Variants in LIPM observed in about 807,000 individuals in gnomAD.
LIPM encodes the protein lipase family member M.
LIPM carries 42 observed loss-of-function variants against 42.4 expected under a neutral mutation model. The ratio of observed to expected loss-of-function variants is 0.99; its 90% CI spans 0.77 to 1.28. LIPM has a LOEUF of 1.28. LIPM is among the 50% of genes most tolerant of loss of function. LIPM has a pLI of 0.00. For missense variants in LIPM, 524 were observed against 520.1 expected (o/e 1.01, Z -0.07); for synonymous variants, 177 against 173.3 (o/e 1.02, Z -0.17).
rs182890191 is a variant in LIPM, at chr10:88,805,035, T to G, written c.147+1992T>G. ...ATTTGACTCTGTATATTCATGCATATGGATTATGGTCTATCTTATACTTTG... is the reference window on the plus strand; with the variant it reads ...ATTTGACTCTGTATATTCATGCATAGGGATTATGGTCTATCTTATACTTTG... On this transcript the variant is annotated intron_variant, in intron 1 of 8. Transcript: ENST00000404743. Among the ~76,000 whole-genome samples the G allele has an allele frequency of 9.2e-5, 14 of 152,342 alleles. No homozygotes were observed. In the East Asian group the frequency reaches 2.7e-3, roughly 29 times the overall value.
At chr10:88,810,171 A>C (rs1355271060) in intron 2 of LIPM, among the ~76,000 whole-genome samples, 7 of 152,228 alleles carry the variant, frequency 4.6e-5, no homozygotes, top group African/African-American at 1.7e-4. Context: ...TGCTGAGCAC[A>C]TTCTGGTGCT....
At chr10:88,805,182 TTA>T (rs1190730378) in intron 1 of LIPM, among the ~76,000 whole-genome samples, 1 of 152,220 alleles carries the variant, frequency 6.6e-6, no homozygotes, top group Non-Finnish European at 1.5e-5. Flanking sequence ...AGCCCTGACT[TTA>T]TGGAGCTTAT....
chr10:88,816,729 G>C (rs1843722099), intron 6 of LIPM, 87 bp from the exon 7 acceptor site: 3 of 818,088 alleles, frequency 3.7e-6, no homozygotes, highest in Non-Finnish European at 6.2e-6. Flanking sequence ...CCATTTCTTA[G>C]TCTGACACCC....
rs760543049 is a variant in LIPM, at chr10:88,813,133, T to C, written c.302T>C (p.Val101Ala). 4 of 1,607,842 alleles carry C rather than the reference T, an allele frequency of 2.5e-6. No homozygotes were observed. The Admixed American group carries it at 6.8e-5, about 27-fold the overall frequency. Residue 101 changes from valine to alanine, a missense_variant, in exon 3 of 9, where the codon GTT (valine) becomes GCT (alanine). By Grantham distance (64) the Val-to-Ala change is moderately conservative (BLOSUM62 0). Coordinates refer to ENST00000404743, the MANE Select transcript of LIPM (RefSeq NM_001128215.1). The stretch of plus-strand genomic sequence containing the variant: ...GTGGTGTTACTGCAGCATGGCCTAG[T>C]TGGAGGTGCTAGCAACTGGATTTCC... The part of the protein sequence containing the change: ...RPVVLLQHGL[V>A]GGASNWISNL...
At position 88,802,732 on chromosome 10, in the gene LIPM, A is replaced by T. The variant is rs531005919; in HGVS notation, c.-165A>T. On this transcript the variant is annotated 5_prime_UTR_variant, in exon 1 of 9. Coordinates refer to ENST00000404743, the MANE Select transcript of LIPM (RefSeq NM_001128215.1). ...ACATCCTAGGCAATGTTTCCAGCCT[A>T]CTTTGTGTTCTTTCCCTACCAACTA... The T allele has an allele frequency of 5.0e-5, 32 of 641,260 alleles. No individual in the cohort carries two copies. The African/African-American group carries it at 5.3e-4, about 11-fold the overall frequency. 39.7% of individuals were successfully genotyped at this position (641,260 alleles called of 1,614,324 possible).
chr10:88,813,064 A>G (rs1843672849), intron 2 of LIPM, 33 bp from the exon 3 acceptor site: 2 of 1,528,048 alleles, frequency 1.3e-6, no homozygotes, highest in African/African-American at 1.4e-5. Flanking sequence ...GGGAGAGAAC[A>G]TTTCATACAG....
intron 3 of LIPM, 53 bp downstream of exon 3, chr10:88,813,348 T>C: frequency 1.4e-6 from 2 of 1,381,444 alleles, no homozygotes; most frequent in Non-Finnish European, 1.9e-6. Context: ...TCAAAAAAAA[T>C]GGGTAAAAAA....
chr10:88,808,124 G>C (rs1285586580), intron 1 of LIPM, among the ~76,000 whole-genome samples, 174 bp from the exon 2 acceptor site: 1 of 152,156 alleles, frequency 6.6e-6, no homozygotes, highest in Non-Finnish European at 1.5e-5. Flanking sequence ...TTAAGACAAA[G>C]AAAGTAAGGA....
chr10:88,802,773 C>A lies in LIPM; in HGVS notation c.-124C>A. On this transcript the variant is annotated 5_prime_UTR_variant, in exon 1 of 9. Transcript: ENST00000404743. ...CTACCAACTAAGCTTGCCTAATTTG[C>A]TTCAGAATTGGAAGAGGGAATTGCA... 2 of 1,032,364 alleles carry A rather than the reference C, an allele frequency of 1.9e-6. No individual in the cohort carries two copies. Among genetic ancestry groups the A allele is most frequent in the Non-Finnish European group, 2.8e-6 (2 of 720,912 alleles). The allele number at this position is 1,032,364 out of a possible 1,614,324, so 64.0% of individuals were successfully genotyped here.
In LIPM at chr10:88,802,795, T is replaced by C. The variant is rs1843543294; in HGVS notation, c.-102T>C. 8.1e-7 allele frequency: 1 copy of C among 1,238,344 alleles called. No individual in the cohort carries two copies. The highest frequency in any genetic ancestry group is 1.5e-5 in the African/African-American group (1 of 65,346). 76.7% of individuals were successfully genotyped at this position (1,238,344 alleles called of 1,614,324 possible). ...TTGCTTCAGAATTGGAAGAGGGAAT[T>C]GCAGCAGGAAAATATGTGAAGAGTT... is the stretch of plus-strand genomic sequence containing the variant. On this transcript the variant is annotated 5_prime_UTR_variant, in exon 1 of 9. Coordinates refer to ENST00000404743, the MANE Select transcript of LIPM (RefSeq NM_001128215.1).
chr10:88,809,354 G>A (rs940233106), intron 2 of LIPM, among the ~76,000 whole-genome samples: 1 of 151,998 alleles, frequency 6.6e-6, no homozygotes, highest in Non-Finnish European at 1.5e-5. Context: ...TTAAACATTT[G>A]TTTTCATTAC....
chr10:88,816,540 A>G (rs887422859), intron 6 of LIPM, among the ~76,000 whole-genome samples: 3 of 152,186 alleles, frequency 2.0e-5, no homozygotes, highest in African/African-American at 7.2e-5. Flanking sequence ...GCCCAATGCT[A>G]GAGCCCTCAT....
In LIPM at chr10:88,813,268, T is replaced by C. The variant is rs1032252027; in HGVS notation, c.437T>C (p.Ile146Thr). 1 of 1,609,872 alleles carries C rather than the reference T, an allele frequency of 6.2e-7. No homozygotes were observed. Among genetic ancestry groups the C allele is most frequent in the Non-Finnish European group, 8.5e-7 (1 of 1,177,576 alleles). ...AWSRKHKTLS[I>T]DQDEFWAFSY... is the part of the protein sequence containing the mutation. ...TCTCGAAAACACAAGACACTCTCCA[T>C]AGACCAAGATGAGTTCTGGGCTTTC... Residue 146 changes from isoleucine (I) to threonine (T), a missense_variant, in exon 3 of 9, where the codon ATA becomes ACA. Coordinates refer to ENST00000404743, the MANE Select transcript of LIPM (RefSeq NM_001128215.1).
intron 1 of LIPM, among the ~76,000 whole-genome samples, chr10:88,807,577 A>G (rs1268359668): frequency 6.6e-6 from 1 of 152,246 alleles, no homozygotes; most frequent in African/African-American, 2.4e-5. Context: ...AGGGGTTCGT[A>G]TGTAGGCAAC....
intron 7 of LIPM, among the ~76,000 whole-genome samples, chr10:88,817,311 A>G (rs1351299248): frequency 2.0e-5 from 3 of 152,204 alleles, no homozygotes; most frequent in Non-Finnish European, 4.4e-5. Flanking sequence ...CTTTACCTGC[A>G]ATTACAGGAA....
At chr10:88,814,462 T>C in intron 3 of LIPM, 68 bp from the exon 4 acceptor site, 1 of 1,029,548 alleles carries the variant, frequency 9.7e-7, no homozygotes, top group South Asian at 1.4e-5. Flanking sequence ...GTAAACCTGG[T>C]GTCGGGGGGA....
chr10:88,820,538 A>T lies in LIPM; in HGVS notation c.*37A>T. The stretch of plus-strand genomic sequence containing the variant: ...CTGACGATCTTAGGACAACCTCCTG[A>T]GGGATGGGGCTAGGACCCATGAAGG... On this transcript the variant is annotated 3_prime_UTR_variant, in exon 9 of 9. Coordinates refer to ENST00000404743, the MANE Select transcript of LIPM (RefSeq NM_001128215.1). 6.5e-7 allele frequency: 1 copy of T among 1,533,902 alleles called. No homozygotes were observed. Among genetic ancestry groups the T allele is most frequent in the Non-Finnish European group, 8.8e-7 (1 of 1,140,208 alleles).
chr10:88,812,174 T>C (rs1843663677), intron 2 of LIPM, among the ~76,000 whole-genome samples: 2 of 152,306 alleles, frequency 1.3e-5, no homozygotes, highest in South Asian at 2.1e-4. Flanking sequence ...AAGTTATATG[T>C]TTTTGGCAGG....
intron 1 of LIPM, among the ~76,000 whole-genome samples, chr10:88,805,433 T>C (rs976968411): frequency 6.6e-6 from 1 of 152,238 alleles, no homozygotes; most frequent in Non-Finnish European, 1.5e-5. Flanking sequence ...AGCTTATATC[T>C]GGATGGTCTT....
Sources: gnomAD v4.1 joint callset for allele counts (sites outside exome capture counted in the v4.1 genomes callset) on GRCh38, gnomAD v4.1.1 for gene constraint, MANE v1.5 for transcripts, NCBI Gene and HGNC (gene_info 2026-07-23, HGNC 2026-07-21) for gene names.